FHIT: variants seen among roughly 807,000 people sequenced by gnomAD.
FHIT encodes the protein bis(5'-adenosyl)-triphosphatase.
FHIT carries 19 observed loss-of-function variants against 17.9 expected under a neutral mutation model. The ratio of observed to expected loss-of-function variants is 1.06; its 90% CI spans 0.74 to 1.56. FHIT has a LOEUF of 1.56. FHIT is among the 40% of genes most tolerant of loss of function. FHIT has a pLI of 0.00. For missense variants in FHIT, 248 were observed against 189.2 expected, an observed-to-expected ratio of 1.31 and a Z score of -1.82; for synonymous variants, 81 against 69.7, an observed-to-expected ratio of 1.16 and a Z score of -0.81.
At chr3:60,201,804 A>G (rs900815459) in intron 5 of FHIT, among the ~76,000 whole-genome samples, 1 of 151,558 alleles carries the variant, frequency 6.6e-6, no homozygotes, top group African/African-American at 2.4e-5. Context: ...TTCCTCAAAC[A>G]TCCTAACTAG....
In FHIT at chr3:60,662,577, G is replaced by A. The variant is rs576354318; in HGVS notation, c.-17-125598C>T. Among the ~76,000 whole-genome samples, 9 of 152,146 alleles carry A rather than the reference G, an allele frequency of 5.9e-5. No homozygotes were observed. In the East Asian group the frequency reaches 1.7e-3, roughly 29 times the overall value. ...GATTGTTTTTTTCTAGTTCTATGAA[G>A]AATGATGGTGGTATTTTGATGAAAA... On this transcript the variant is annotated intron_variant, in intron 4 of 9. Transcript: ENST00000492590.
intron 8 of FHIT, among the ~76,000 whole-genome samples, chr3:59,822,440 A>G (rs1700828163): frequency 6.6e-6 from 1 of 152,024 alleles, no homozygotes; most frequent in African/African-American, 2.4e-5. Flanking sequence ...CCCTTTTCAC[A>G]GCATCCACGC....
intron 2 of FHIT, among the ~76,000 whole-genome samples, chr3:61,163,870 TTC>T (rs1393312806): frequency 1.3e-5 from 2 of 152,230 alleles, no homozygotes; most frequent in African/African-American, 4.8e-5. Flanking sequence ...TTATGTCCCT[TTC>T]TCTTATTAAT....
intron 3 of FHIT, among the ~76,000 whole-genome samples, chr3:60,872,196 T>C (rs72889112): frequency 0.012 from 1,781 of 152,266 alleles, 35 homozygotes; most frequent in African/African-American, 0.04. Context: ...AGAAATTCCA[T>C]GCTATGAGGA....
At chr3:61,205,056 G>C (rs1458085187) in intron 1 of FHIT, among the ~76,000 whole-genome samples, 2 of 147,682 alleles carry the variant, frequency 1.4e-5, no homozygotes, top group African/African-American at 5.0e-5. Context: ...CCACCTATGA[G>C]TGAGAACATG....
intron 8 of FHIT, among the ~76,000 whole-genome samples, chr3:59,844,994 G>C (rs1168039546): frequency 6.6e-6 from 1 of 152,092 alleles, no homozygotes; most frequent in East Asian, 1.9e-4. Flanking sequence ...GGTCTATTCA[G>C]TGTTCATGAC....
intron 7 of FHIT, among the ~76,000 whole-genome samples, chr3:59,965,891 A>G (rs1482058027): frequency 6.6e-6 from 1 of 152,218 alleles, no homozygotes; most frequent in Non-Finnish European, 1.5e-5. Context: ...GAGCAAATCA[A>G]ACTGGCTGCT....
At chr3:60,981,608 G>A (rs1413685060) in intron 3 of FHIT, among the ~76,000 whole-genome samples, 3 of 151,946 alleles carry the variant, frequency 2.0e-5, no homozygotes, top group Admixed American at 2.0e-4. Flanking sequence ...ACGGTGCCCA[G>A]CCACTTCTTT....
At chr3:60,486,107 T>C (rs1403886141) in intron 5 of FHIT, among the ~76,000 whole-genome samples, 2 of 152,116 alleles carry the variant, frequency 1.3e-5, no homozygotes, top group Non-Finnish European at 2.9e-5. Flanking sequence ...CTAACTAATC[T>C]ATGCTGTCCA....
intron 5 of FHIT, among the ~76,000 whole-genome samples, chr3:60,047,149 A>C (rs1701687241): frequency 6.6e-6 from 1 of 152,238 alleles, no homozygotes; most frequent in Non-Finnish European, 1.5e-5. Flanking sequence ...AAAACGTAAC[A>C]GTCGGTGCAC....
At chr3:60,574,584 C>T (rs1023822482) in intron 4 of FHIT, among the ~76,000 whole-genome samples, 1 of 152,030 alleles carries the variant, frequency 6.6e-6, no homozygotes, top group Non-Finnish European at 1.5e-5. Flanking sequence ...CTCAAGAATC[C>T]CAGGCTGGGA....
chr3:60,086,670 T>C (rs1470728795), intron 5 of FHIT, among the ~76,000 whole-genome samples: 2 of 152,190 alleles, frequency 1.3e-5, no homozygotes, highest in South Asian at 2.1e-4. Flanking sequence ...CGGGCAGACA[T>C]GATATCTTAA....
intron 8 of FHIT, among the ~76,000 whole-genome samples, chr3:59,766,620 T>C (rs1029819986): frequency 3.3e-5 from 5 of 152,228 alleles, no homozygotes; most frequent in African/African-American, 1.2e-4. Context: ...TTAATAAACA[T>C]GTCCGCAGTA....
At chr3:60,097,788 T>C (rs1387471366) in intron 5 of FHIT, among the ~76,000 whole-genome samples, 4 of 151,370 alleles carry the variant, frequency 2.6e-5, no homozygotes, top group African/African-American at 9.7e-5. Context: ...TATGTATACA[T>C]GTGCCATGTT....
rs944607747 is a variant in FHIT at position 60,944,274 on chromosome 3, G to A, written c.-111+97773C>T. On this transcript the variant is annotated intron_variant, in intron 3 of 9. Coordinates refer to ENST00000492590, the MANE Select transcript of FHIT (RefSeq NM_002012.4). ...GTTTTATTCCAATTAATGTCCTGAA[G>A]AATCTAAATGACAACCTGATAATTG... is the stretch of plus-strand genomic sequence containing the variant. Among the ~76,000 whole-genome samples, 4 of 152,078 alleles carry A rather than the reference G, an allele frequency of 2.6e-5. 1 individual carries two copies. The South Asian group carries it at 8.3e-4, about 31-fold the overall frequency.
intron 5 of FHIT, among the ~76,000 whole-genome samples, chr3:60,391,501 T>G (rs561636154): frequency 6.6e-6 from 1 of 152,286 alleles, no homozygotes; most frequent in African/African-American, 2.4e-5. Flanking sequence ...TACTGACTCA[T>G]CCTGAGCAAC....
intron 5 of FHIT, among the ~76,000 whole-genome samples, chr3:60,051,306 C>G (rs187161050): frequency 6.7e-6 from 1 of 148,728 alleles, no homozygotes; most frequent in Non-Finnish European, 1.5e-5. Context: ...TTAAACACAC[C>G]GAAAGCCTAA....
At chr3:61,198,347 C>T (rs1403899833) in intron 2 of FHIT, among the ~76,000 whole-genome samples, 1 of 152,092 alleles carries the variant, frequency 6.6e-6, no homozygotes, top group Non-Finnish European at 1.5e-5. Context: ...AATCCTTTAG[C>T]TAAAGAATCA....
At chr3:60,251,012 A>T (rs528386964) in intron 5 of FHIT, among the ~76,000 whole-genome samples, 2 of 152,216 alleles carry the variant, frequency 1.3e-5, no homozygotes, top group African/African-American at 4.8e-5. Flanking sequence ...GTTTGTAAGT[A>T]GCCCTGGGAG....
Sources: gnomAD v4.1 joint callset for allele counts (sites outside exome capture counted in the v4.1 genomes callset) on GRCh38, gnomAD v4.1.1 for gene constraint, MANE v1.5 for transcripts, NCBI Gene and HGNC (gene_info 2026-07-23, HGNC 2026-07-21) for gene names.